The following ZNF609 variants were observed in gnomAD, a reference collection of about 807,000 sequenced individuals.
The protein encoded by ZNF609 is zinc finger protein 609.
A neutral mutation model predicts 109.5 loss-of-function variants in ZNF609; 11 were observed. That is an observed-to-expected ratio of 0.10 (90% CI 0.06 to 0.17). The LOEUF is 0.17. Among genes scored for constraint, ZNF609 ranks in the 10% least tolerant of loss-of-function variants. The pLI, the probability that ZNF609 is intolerant of heterozygous loss-of-function variation, is 1.00. For missense variants in ZNF609, 1,559 were observed against 1,772.4 expected (o/e 0.88, Z 2.16); for synonymous variants, 646 against 662.0 (o/e 0.98, Z 0.37).
rs10600562 is a variant in ZNF609 at position 64,602,889 on chromosome 15, A to ATT, written c.748-19910_748-19909dup. 2.3e-3 allele frequency among the ~76,000 whole-genome samples: 170 copies of ATT among 75,160 alleles called. 8 individuals are homozygous for ATT. The highest frequency in any genetic ancestry group is 9.2e-3 in the African/African-American group (163 of 17,810). The allele number at this position is 75,160 out of a possible 152,430, so 49.3% of individuals were successfully genotyped here. A position where few individuals can be genotyped will look rare whatever the true frequency, so the allele number is the denominator to read the frequency against. ...AGGTGCCTGCCACCACTCTGGGCTA[A>ATT]TTTTTTTTTTTTTTTTTTTTTTTTT... On this transcript the variant is annotated intron_variant, in intron 2 of 9. Coordinates refer to ENST00000326648, the MANE Select transcript of ZNF609 (RefSeq NM_015042.2).
intron 2 of ZNF609, among the ~76,000 whole-genome samples, chr15:64,542,202 C>T (rs1366206558): frequency 6.6e-6 from 1 of 152,130 alleles, no homozygotes; most frequent in East Asian, 1.9e-4. Context: ...ATTTTTTATG[C>T]TGTGTGAGAG....
chr15:64,489,866 C>T (rs968740932), intron 1 of ZNF609, among the ~76,000 whole-genome samples: 2 of 152,118 alleles, frequency 1.3e-5, no homozygotes, highest in Non-Finnish European at 2.9e-5. Context: ...ACCTCCTTAG[C>T]ACAAAAAGTT....
intron 2 of ZNF609, among the ~76,000 whole-genome samples, chr15:64,578,442 C>A (rs1289300590): frequency 6.6e-6 from 1 of 152,064 alleles, no homozygotes; most frequent in Non-Finnish European, 1.5e-5. Flanking sequence ...CGACTGTAAT[C>A]CCAGCACCTT....
At chr15:64,575,458 A>G (rs1235327113) in intron 2 of ZNF609, among the ~76,000 whole-genome samples, 1 of 151,942 alleles carries the variant, frequency 6.6e-6, no homozygotes, top group Non-Finnish European at 1.5e-5. Context: ...ACCAGAGGTT[A>G]TCTATAATCA....
chr15:64,609,498 C>T (rs949971696), intron 2 of ZNF609, among the ~76,000 whole-genome samples: 17 of 150,352 alleles, frequency 1.1e-4, no homozygotes, highest in Admixed American at 8.0e-4. Flanking sequence ...TTTATAGAGA[C>T]GGGGTTTCAT....
chr15:64,606,129 T>G (rs1003685578), intron 2 of ZNF609, among the ~76,000 whole-genome samples: 12 of 151,030 alleles, frequency 7.9e-5, no homozygotes, highest in Non-Finnish European at 1.6e-4. Flanking sequence ...TATATTTATT[T>G]TGGGGATAGA....
chr15:64,556,498 C>A (rs1894589842), intron 2 of ZNF609, among the ~76,000 whole-genome samples: 2 of 151,992 alleles, frequency 1.3e-5, no homozygotes, highest in African/African-American at 4.8e-5. Context: ...TTTATTTAAC[C>A]CTCATGACAA....
At chr15:64,652,238 G>C (rs1328142725) in intron 3 of ZNF609, among the ~76,000 whole-genome samples, 1 of 152,036 alleles carries the variant, frequency 6.6e-6, no homozygotes, top group Non-Finnish European at 1.5e-5. Flanking sequence ...TGGCCAGGCT[G>C]GTCTCCAACT....
intron 1 of ZNF609, among the ~76,000 whole-genome samples, chr15:64,497,581 T>C (rs1292531493): frequency 1.3e-5 from 2 of 152,182 alleles, no homozygotes; most frequent in African/African-American, 2.4e-5. Context: ...ACTACTGGCT[T>C]GTTCTTTCTA....
At chr15:64,472,456 A>G (rs890889869) in intron 1 of ZNF609, among the ~76,000 whole-genome samples, 2 of 152,216 alleles carry the variant, frequency 1.3e-5, no homozygotes, top group Non-Finnish European at 1.5e-5. Context: ...CCTGTGTACA[A>G]AGTACAGCTA....
intron 3 of ZNF609, chr15:64,631,606 C>T: frequency 2.5e-6 from 1 of 401,846 alleles, no homozygotes; most frequent in Non-Finnish European, 4.6e-6. Context: ...AATCTCGGCT[C>T]ACCACAATCT....
At chr15:64,587,896 G>GA (rs1895224331) in intron 2 of ZNF609, among the ~76,000 whole-genome samples, 1 of 151,948 alleles carries the variant, frequency 6.6e-6, no homozygotes, top group Non-Finnish European at 1.5e-5. Flanking sequence ...TGGATCACTT[G>GA]AGGCCAGGAG....
chr15:64,468,793 T>G lies in ZNF609; in HGVS notation c.-128+7955T>G, dbSNP rs1207506416. On this transcript the variant is annotated intron_variant, in intron 1 of 9. Transcript: ENST00000326648. ...AAAACCCAGATTCTGATCATTACTG[T>G]GCCTCTAATTAGCTGTTTGTCCTTG... 3.9e-5 allele frequency among the ~76,000 whole-genome samples: 6 copies of G among 152,174 alleles called. No homozygotes were observed. In the East Asian group the frequency reaches 1.2e-3, roughly 29 times the overall value.
chr15:64,551,586 A>C (rs191482837), intron 2 of ZNF609, among the ~76,000 whole-genome samples: 1,902 of 146,184 alleles, frequency 0.013, 36 homozygotes, highest in African/African-American at 0.047. Flanking sequence ...TGGGAAGCGG[A>C]GGTTATGGTG....
At chr15:64,661,176 G>A (rs573583222) in intron 3 of ZNF609, among the ~76,000 whole-genome samples, 29 of 152,218 alleles carry the variant, frequency 1.9e-4, no homozygotes, top group Non-Finnish European at 3.2e-4. Flanking sequence ...TGGCCAGGCT[G>A]GTCTCGAACT....
intron 2 of ZNF609, among the ~76,000 whole-genome samples, chr15:64,615,972 C>T (rs1171825669): frequency 1.3e-5 from 2 of 152,126 alleles, no homozygotes; most frequent in Admixed American, 6.5e-5. Context: ...ATACAAGACT[C>T]ATTGTGAAGG....
intron 3 of ZNF609, among the ~76,000 whole-genome samples, chr15:64,650,417 C>CAA (rs34102315): frequency 0.39 from 48,282 of 123,586 alleles, 9,908 homozygotes; most frequent in East Asian, 0.85. Flanking sequence ...GCTCCATCTC[C>CAA]AAAAAAAAAA....
At chr15:64,577,655 G>A (rs12909577) in intron 2 of ZNF609, among the ~76,000 whole-genome samples, 2,863 of 7,026 alleles carry the variant, frequency 0.41, 750 homozygotes, top group East Asian at 0.63. Flanking sequence ...ATATATATGT[G>A]TATATATACA....
intron 2 of ZNF609, among the ~76,000 whole-genome samples, chr15:64,576,493 C>T (rs1259397512): frequency 6.6e-6 from 1 of 151,378 alleles, no homozygotes; most frequent in African/African-American, 2.4e-5. Flanking sequence ...AATTATATCC[C>T]AGAATGGGGG....
Sources: allele counts gnomAD v4.1 joint callset (sites outside exome capture counted in the v4.1 genomes callset), GRCh38; gene constraint gnomAD v4.1.1; transcripts MANE v1.5; gene names NCBI Gene and HGNC (gene_info 2026-07-23, HGNC 2026-07-21).